TMT1B: variants seen among roughly 807,000 people sequenced by gnomAD.
The protein encoded by TMT1B is thiol methyltransferase 1B, also known as thiol S-methyltransferase TMT1B.
the TMT1B span, chr12:55,682,186 T>A: frequency 6.2e-7 from 1 of 1,613,884 alleles, no homozygotes; most frequent in Non-Finnish European, 8.5e-7. Context: ...TGGTCTGCAC[T>A]CTGGTGCTGT....
the TMT1B span, chr12:55,684,219 T>G: frequency 3.1e-6 from 2 of 636,976 alleles, no homozygotes; most frequent in South Asian, 1.9e-5. Flanking sequence ...GGGCAATCTC[T>G]AACTTCAATC....
chr12:55,682,623 A>T, the TMT1B span, among the ~76,000 whole-genome samples: 2 of 151,668 alleles, frequency 1.3e-5, no homozygotes, highest in Non-Finnish European at 2.9e-5. Context: ...AAAAAAAAAA[A>T]AAAAATACAA....
chr12:55,682,218 A>G, the TMT1B span: 1 of 1,613,586 alleles, frequency 6.2e-7, no homozygotes, highest in East Asian at 2.2e-5. Flanking sequence ...AGCCCAAGGA[A>G]GGTCCTGCAG....
chr12:55,683,755 C>A, the TMT1B span: 1 of 1,532,214 alleles, frequency 6.5e-7, no homozygotes, highest in Non-Finnish European at 9.0e-7. Flanking sequence ...TTGATCAGCG[C>A]GATAGGGAGC....
chr12:55,684,003 AGTGGCTACCT>A, the TMT1B span: 3 of 1,613,740 alleles, frequency 1.9e-6, no homozygotes, highest in African/African-American at 4.0e-5. Flanking sequence ...CCTCCCTTGA[AGTGGCTACCT>A]GTTGGGCCCC....
the TMT1B span, chr12:55,684,552 C>T: frequency 1.2e-5 from 2 of 167,690 alleles, no homozygotes; most frequent in Non-Finnish European, 2.6e-5. Flanking sequence ...CAGAGCAAGA[C>T]TCAAAGAGGC....
At chr12:55,681,976 A>C in the TMT1B span, 1 of 1,614,218 alleles carries the variant, frequency 6.2e-7, no homozygotes, top group South Asian at 1.1e-5. Flanking sequence ...AAGTGGCCCT[A>C]CTGGAGCTGG....
chr12:55,683,132 A>C, the TMT1B span, among the ~76,000 whole-genome samples: 1 of 152,198 alleles, frequency 6.6e-6, no homozygotes, highest in Non-Finnish European at 1.5e-5. Flanking sequence ...GGATGTTCAC[A>C]GCGATGTCCA....
chr12:55,682,866 A>G, the TMT1B span, among the ~76,000 whole-genome samples: 2 of 152,152 alleles, frequency 1.3e-5, no homozygotes, highest in Non-Finnish European at 2.9e-5. Context: ...GGTGGGGAAA[A>G]TAAAAGAGTG....
At chr12:55,682,082 A>C in the TMT1B span, 4 of 1,614,232 alleles carry the variant, frequency 2.5e-6, no homozygotes, top group Non-Finnish European at 3.4e-6. Context: ...CCTGACAAAG[A>C]GCATGGCTGA....
At chr12:55,682,373 C>T in the TMT1B span, 3 of 919,444 alleles carry the variant, frequency 3.3e-6, no homozygotes, top group Non-Finnish European at 3.2e-6. Flanking sequence ...ACCCCATCCA[C>T]CTCTACCTGC....
the TMT1B span, chr12:55,684,012 C>T: frequency 6.2e-7 from 1 of 1,613,772 alleles, no homozygotes; most frequent in Non-Finnish European, 8.5e-7. Flanking sequence ...AAGTGGCTAC[C>T]TGTTGGGCCC....
At chr12:55,684,144 C>T in the TMT1B span, 9 of 1,162,726 alleles carry the variant, frequency 7.7e-6, no homozygotes, top group East Asian at 2.1e-4. Context: ...CTGAGAGGGA[C>T]CTAGCAGAAT....
chr12:55,683,907 T>A, the TMT1B span: 1 of 1,614,112 alleles, frequency 6.2e-7, no homozygotes, highest in Admixed American at 1.7e-5. Flanking sequence ...TGGAAACACA[T>A]TGGGGATGGC....
the TMT1B span, chr12:55,681,925 G>C: frequency 6.2e-7 from 1 of 1,614,072 alleles, no homozygotes; most frequent in Non-Finnish European, 8.5e-7. Flanking sequence ...AGAAACGGGA[G>C]CTCTTCAGCC....
the TMT1B span, chr12:55,683,694 C>T: frequency 6.0e-6 from 6 of 995,212 alleles, no homozygotes; most frequent in Non-Finnish European, 9.3e-6. Context: ...ACAGTTTGCT[C>T]CATGAACTCT....
At chr12:55,683,736 TTGAC>T in the TMT1B span, 24 of 1,412,950 alleles carry the variant, frequency 1.7e-5, no homozygotes, top group East Asian at 4.8e-4. Flanking sequence ...ACCAAGAAGT[TTGAC>T]TGTCTTGATC....
the TMT1B span, chr12:55,684,077 T>G: frequency 1.2e-6 from 2 of 1,602,814 alleles, no homozygotes; most frequent in Non-Finnish European, 1.7e-6. Flanking sequence ...GGCACTCATT[T>G]GCTCCTTCCC....
chr12:55,681,802 C>G, the TMT1B span: 1 of 1,553,548 alleles, frequency 6.4e-7, no homozygotes. Context: ...TGCTTCTTAC[C>G]CTGCCCCTGC....
Sources: allele counts gnomAD v4.1 joint callset (sites outside exome capture counted in the v4.1 genomes callset), GRCh38; gene constraint gnomAD v4.1.1; transcripts MANE v1.5; gene names NCBI Gene and HGNC (gene_info 2026-07-23, HGNC 2026-07-21).